LYZL1: variants seen among roughly 807,000 people sequenced by gnomAD.
The protein encoded by LYZL1 is lysozyme like 1, also known as lysozyme-like protein 1.
Under a neutral mutation model 17.9 loss-of-function variants are expected in LYZL1, and 16 were observed. That is an observed-to-expected ratio of 0.90 (90% CI 0.61 to 1.36). The LOEUF (loss-of-function observed/expected upper bound fraction) is 1.36, where lower values mean the gene tolerates loss of function less well. Among genes scored for constraint, LYZL1 ranks in the 40% most tolerant of loss-of-function variants. The pLI is 0.00. For synonymous variants in LYZL1, 58 were observed against 71.8 expected (o/e 0.81, Z 0.97); for missense variants, 149 against 188.4 (o/e 0.79, Z 1.22).
chr10:29,296,394 AC>A (rs1324030443), intron 3 of LYZL1, among the ~76,000 whole-genome samples: 11 of 152,224 alleles, frequency 7.2e-5, no homozygotes, highest in Admixed American at 6.5e-4. Flanking sequence ...AGCATTAGCT[AC>A]TTCTGGAAGT....
downstream of LYZL1, chr10:29,311,346 G>A: frequency 1.2e-6 from 1 of 857,902 alleles, no homozygotes; most frequent in Non-Finnish European, 1.6e-6. Context: ...AGGGAGTCCT[G>A]GTTTCTGTGG....
At chr10:29,304,492 C>T (rs567966697) in intron 3 of LYZL1, among the ~76,000 whole-genome samples, 1 of 151,890 alleles carries the variant, frequency 6.6e-6, no homozygotes, top group African/African-American at 2.4e-5. Flanking sequence ...GACACAGATA[C>T]TTTGAAGTAG....
In LYZL1 at chr10:29,310,861, C is replaced by T. The variant is rs531560253; in HGVS notation, c.378-129C>T. 18 of 1,383,564 alleles carry T rather than the reference C, an allele frequency of 1.3e-5. No homozygotes were observed. The East Asian group carries it at 1.6e-4, about 13-fold the overall frequency. The allele number at this position is 1,383,564 out of a possible 1,614,324, so 85.7% of individuals were successfully genotyped here. A position where few individuals can be genotyped will look rare whatever the true frequency, so the allele number is the denominator to read the frequency against. On this transcript the variant is annotated intron_variant, in intron 4 of 4. Coordinates refer to ENST00000649382, the MANE Select transcript of LYZL1 (RefSeq NM_032517.6). ...AGGCAAAAGGACAGCATCCTTGAAG[C>T]TCAGAAGCAAATGAAACCCAACCCA...
chr10:29,290,998 T>C (rs1296810257), intron 1 of LYZL1, among the ~76,000 whole-genome samples: 2 of 152,174 alleles, frequency 1.3e-5, no homozygotes, highest in Admixed American at 1.3e-4. Context: ...CAGGCCCACG[T>C]GTCTTTCATC....
intron 1 of LYZL1, among the ~76,000 whole-genome samples, chr10:29,289,720 T>A (rs1034511822): frequency 6.6e-6 from 1 of 152,112 alleles, no homozygotes; most frequent in Non-Finnish European, 1.5e-5. Flanking sequence ...TGCCTGGCCT[T>A]AGCTCTGCAT....
downstream of LYZL1, among the ~76,000 whole-genome samples, chr10:29,315,618 T>TGGGA: frequency 6.6e-6 from 1 of 152,084 alleles, no homozygotes; most frequent in Admixed American, 6.6e-5. Context: ...TTTGCCGAGG[T>TGGGA]GGGAGGATCC....
At chr10:29,310,889 G>C in intron 4 of LYZL1, 101 bp from the exon 5 acceptor site, 2 of 1,581,798 alleles carry the variant, frequency 1.3e-6, no homozygotes, top group South Asian at 1.1e-5. Context: ...CCAACCCAGG[G>C]TTCCGCTGGC....
intron 3 of LYZL1, among the ~76,000 whole-genome samples, chr10:29,299,824 A>C (rs1835493745): frequency 6.6e-6 from 1 of 152,208 alleles, no homozygotes. Flanking sequence ...TTATATTTAA[A>C]GTGAATTTCT....
At chr10:29,317,706 G>T (rs1255351762) in intron 4 of LYZL1, among the ~76,000 whole-genome samples, 1 of 152,252 alleles carries the variant, frequency 6.6e-6, no homozygotes, top group East Asian at 1.9e-4. Context: ...TATTTGCCAT[G>T]CACAGCCATG....
chr10:29,297,180 T>C (rs1024344175), intron 3 of LYZL1, among the ~76,000 whole-genome samples: 1 of 149,384 alleles, frequency 6.7e-6, no homozygotes, highest in Non-Finnish European at 1.5e-5. Flanking sequence ...GAAAACTCAG[T>C]AAAGTAGTTA....
At chr10:29,315,052 C>A (rs1835713920), downstream of LYZL1, among the ~76,000 whole-genome samples, 1 of 152,142 alleles carries the variant, frequency 6.6e-6, no homozygotes, top group African/African-American at 2.4e-5. Flanking sequence ...ACAATTTAGT[C>A]TCTTCAAGGT....
chr10:29,308,254 A>T (rs1835623110), intron 3 of LYZL1, among the ~76,000 whole-genome samples: 2 of 152,124 alleles, frequency 1.3e-5, no homozygotes, highest in African/African-American at 4.8e-5. Context: ...TTCCGGGGTG[A>T]CCCACACCCA....
chr10:29,312,651 T>C (rs924241026), downstream of LYZL1, among the ~76,000 whole-genome samples: 8 of 152,190 alleles, frequency 5.3e-5, no homozygotes, highest in African/African-American at 1.7e-4. Flanking sequence ...GGCAGTGAGC[T>C]GAGCATCTCA....
chr10:29,304,941 A>G (rs189343648), intron 3 of LYZL1, among the ~76,000 whole-genome samples: 2 of 152,334 alleles, frequency 1.3e-5, no homozygotes, highest in African/African-American at 2.4e-5. Flanking sequence ...TTCCTGGTCC[A>G]ATATGGCCCC....
intron 3 of LYZL1, among the ~76,000 whole-genome samples, chr10:29,302,418 C>T (rs750426015): frequency 8.6e-5 from 8 of 92,758 alleles, no homozygotes; most frequent in African/African-American, 3.3e-4. Context: ...AAGGCCGGCA[C>T]GAGGGATGCT....
At chr10:29,311,359 C>A, downstream of LYZL1, 1 of 679,278 alleles carries the variant, frequency 1.5e-6, no homozygotes, top group South Asian at 2.3e-5. Flanking sequence ...TTCTGTGGCC[C>A]TGAAACTGCT....
chr10:29,311,941 A>G (rs1345813034), downstream of LYZL1, among the ~76,000 whole-genome samples: 1 of 151,876 alleles, frequency 6.6e-6, no homozygotes, highest in Non-Finnish European at 1.5e-5. Flanking sequence ...CCTGGGTGAC[A>G]GAGCAAGACT....
intron 3 of LYZL1, among the ~76,000 whole-genome samples, chr10:29,304,910 A>G (rs1008459871): frequency 6.6e-6 from 1 of 152,208 alleles, no homozygotes. Flanking sequence ...GAGGAGACAA[A>G]CAACTGTACT....
At chr10:29,313,261 A>G (rs74636673), downstream of LYZL1, among the ~76,000 whole-genome samples, 95 of 152,382 alleles carry the variant, frequency 6.2e-4, 2 homozygotes, top group East Asian at 0.011. Flanking sequence ...GAAAATTTGA[A>G]AAATGTAGAA....
Sources: allele counts gnomAD v4.1 joint callset (sites outside exome capture counted in the v4.1 genomes callset), GRCh38; gene constraint gnomAD v4.1.1; transcripts MANE v1.5; gene names NCBI Gene and HGNC (gene_info 2026-07-23, HGNC 2026-07-21).